The following KLHL1 variants were observed in gnomAD, a reference collection of about 807,000 sequenced individuals.
The protein encoded by KLHL1 is kelch like family member 1, also known as kelch-like protein 1.
KLHL1 carries 47 observed loss-of-function variants against 77.7 expected under a neutral mutation model. That is an observed-to-expected ratio of 0.60 (90% CI 0.48 to 0.77). The LOEUF (loss-of-function observed/expected upper bound fraction) is 0.77, where lower values mean the gene tolerates loss of function less well. Among genes scored for constraint, KLHL1 ranks in the 30% least tolerant of loss-of-function variants. The probability of loss-of-function intolerance (pLI) is 0.00; values close to 1 mark genes in which losing one functional copy is unlikely to be tolerated. For synonymous variants in KLHL1, 360 were observed against 325.2 expected (o/e 1.11, Z -1.15); for missense variants, 925 against 910.8 (o/e 1.02, Z -0.20).
At chr13:70,085,156 C>A (rs1402609891) in intron 1 of KLHL1, among the ~76,000 whole-genome samples, 1 of 151,988 alleles carries the variant, frequency 6.6e-6, no homozygotes, top group Admixed American at 6.6e-5. Context: ...GGAATGTATG[C>A]ATATCTCTTG....
At chr13:69,782,576 T>C (rs1170587338) in intron 7 of KLHL1, among the ~76,000 whole-genome samples, 2 of 151,662 alleles carry the variant, frequency 1.3e-5, no homozygotes, top group Non-Finnish European at 2.9e-5. Flanking sequence ...AGCATAGGAG[T>C]CTGAGATCAA....
At chr13:70,060,656 CA>C (rs1445483670) in intron 1 of KLHL1, among the ~76,000 whole-genome samples, 1 of 152,000 alleles carries the variant, frequency 6.6e-6, no homozygotes, top group African/African-American at 2.4e-5. Context: ...CCAGCCTGGC[CA>C]ACGTGGTGAA....
intron 1 of KLHL1, among the ~76,000 whole-genome samples, chr13:70,090,966 A>G (rs1887658281): frequency 6.6e-6 from 1 of 152,040 alleles, no homozygotes; most frequent in South Asian, 2.1e-4. Flanking sequence ...TGGACTTCAC[A>G]TTACTTCTTC....
rs186172276 is a variant in KLHL1, at chr13:70,006,541, A to G, written c.498-30739T>C. On this transcript the variant is annotated intron_variant, in intron 1 of 10. Transcript: ENST00000377844. ...TTCAAAGAGTTTGAGAAGGATTTGT[A>G]TTAGTTATTTGTTAAAAGTTTGGTA... Among the ~76,000 whole-genome samples the G allele has an allele frequency of 5.3e-3, 731 of 138,260 alleles. 4 individuals carry two copies. Among genetic ancestry groups the G allele is most frequent in the African/African-American group, 0.019 (698 of 37,210 alleles). 90.7% of individuals were successfully genotyped at this position (138,260 alleles called of 152,430 possible). A position where few individuals can be genotyped will look rare whatever the true frequency, so the allele number is the denominator to read the frequency against.
At chr13:69,992,473 G>A (rs1885050658) in intron 1 of KLHL1, among the ~76,000 whole-genome samples, 1 of 152,016 alleles carries the variant, frequency 6.6e-6, no homozygotes, top group South Asian at 2.1e-4. Context: ...GGAAGGCTGT[G>A]TGGAGAAATA....
At chr13:69,961,480 T>G (rs1884063756) in intron 2 of KLHL1, 36 bp from the exon 3 acceptor site, 1 of 1,610,070 alleles carries the variant, frequency 6.2e-7, no homozygotes, top group African/African-American at 1.3e-5. Flanking sequence ...AGGTCGTGAA[T>G]GTAAGGCAGA....
intron 7 of KLHL1, among the ~76,000 whole-genome samples, chr13:69,779,507 C>G (rs180728606): frequency 1.2e-3 from 175 of 150,080 alleles, no homozygotes; most frequent in African/African-American, 4.0e-3. Context: ...CTTTCCTGTC[C>G]TTTTTCCTTT....
intron 4 of KLHL1, among the ~76,000 whole-genome samples, chr13:69,925,147 G>A (rs1044454363): frequency 1.9e-4 from 29 of 152,150 alleles, no homozygotes; most frequent in African/African-American, 6.8e-4. Flanking sequence ...GAGGTTTTCA[G>A]CTGGTGAAGC....
chr13:69,985,572 C>T (rs1018601693), intron 1 of KLHL1, among the ~76,000 whole-genome samples: 5 of 151,370 alleles, frequency 3.3e-5, no homozygotes, highest in African/African-American at 4.8e-5. Flanking sequence ...CCATTATAGA[C>T]CAGTATGGAG....
At chr13:70,081,488 G>A (rs1468038578) in intron 1 of KLHL1, among the ~76,000 whole-genome samples, 1 of 152,120 alleles carries the variant, frequency 6.6e-6, no homozygotes, top group Non-Finnish European at 1.5e-5. Context: ...GCAGGACTGA[G>A]GTCCTCATTT....
chr13:69,731,915 T>G (rs1873560303), intron 8 of KLHL1, among the ~76,000 whole-genome samples: 1 of 152,124 alleles, frequency 6.6e-6, no homozygotes, highest in Admixed American at 6.5e-5. Context: ...GTAGAAGTTT[T>G]TCCATCATAT....
At chr13:70,031,920 A>G (rs577491581) in intron 1 of KLHL1, among the ~76,000 whole-genome samples, 402 of 152,320 alleles carry the variant, frequency 2.6e-3, no homozygotes, top group Non-Finnish European at 4.8e-3. Context: ...TATGAGTCAA[A>G]GTACCTAGAG....
chr13:69,879,195 A>G lies in KLHL1; in HGVS notation c.1227+3088T>C, dbSNP rs1254265579. Among the ~76,000 whole-genome samples, 5 of 152,130 alleles carry G rather than the reference A, an allele frequency of 3.3e-5. No homozygotes were observed. The East Asian group carries it at 9.7e-4, about 29-fold the overall frequency. On this transcript the variant is annotated intron_variant, in intron 5 of 10. Transcript: ENST00000377844. ...GTTGTGCACATGTACCCTAGAACTT[A>G]AAGTATAATAAAAAATATATATATA...
chr13:69,795,696 G>T (rs1208799335), intron 7 of KLHL1, among the ~76,000 whole-genome samples: 1 of 152,132 alleles, frequency 6.6e-6, no homozygotes, highest in African/African-American at 2.4e-5. Context: ...CCAAGGCTCA[G>T]TTTAAATGCT....
At chr13:69,958,839 T>C (rs1883975507) in intron 3 of KLHL1, among the ~76,000 whole-genome samples, 1 of 152,006 alleles carries the variant, frequency 6.6e-6, no homozygotes, top group South Asian at 2.1e-4. Context: ...TTTTTAGCTT[T>C]CTTTAAAGAA....
At chr13:69,770,700 A>T (rs1035852193) in intron 7 of KLHL1, among the ~76,000 whole-genome samples, 2 of 152,140 alleles carry the variant, frequency 1.3e-5, no homozygotes, top group African/African-American at 2.4e-5. Flanking sequence ...AGTAATAAAT[A>T]TCTCTGCTCT....
chr13:70,023,532 T>G (rs2137355282), intron 1 of KLHL1, among the ~76,000 whole-genome samples: 1 of 152,088 alleles, frequency 6.6e-6, no homozygotes, highest in South Asian at 2.1e-4. Context: ...CAAAATATTT[T>G]ATTATGTTGT....
At chr13:69,834,937 T>A (rs1878926913) in intron 6 of KLHL1, among the ~76,000 whole-genome samples, 1 of 152,174 alleles carries the variant, frequency 6.6e-6, no homozygotes, top group Non-Finnish European at 1.5e-5. Flanking sequence ...ATTAGAGATG[T>A]TCTAATTTAA....
intron 1 of KLHL1, among the ~76,000 whole-genome samples, chr13:70,091,692 T>G (rs1442325948): frequency 6.6e-6 from 1 of 152,188 alleles, no homozygotes; most frequent in African/African-American, 2.4e-5. Context: ...TTTTTCATTT[T>G]TATTTATTTT....
Sources: gnomAD v4.1 joint callset for allele counts (sites outside exome capture counted in the v4.1 genomes callset) on GRCh38, gnomAD v4.1.1 for gene constraint, MANE v1.5 for transcripts, NCBI Gene and HGNC (gene_info 2026-07-23, HGNC 2026-07-21) for gene names.